The following GALNTL6 variants were observed in gnomAD, a reference collection of about 807,000 sequenced individuals.
GALNTL6 encodes the protein polypeptide N-acetylgalactosaminyltransferase-like 6.
A neutral mutation model predicts 73.7 loss-of-function variants in GALNTL6; 46 were observed. The ratio of observed to expected loss-of-function variants is 0.62; its 90% confidence interval spans 0.49 to 0.80. The LOEUF is 0.80. Ranked by LOEUF, GALNTL6 falls within the 30% of genes least tolerant of loss-of-function variation. The pLI is 0.00. For missense variants in GALNTL6, 604 were observed against 755.0 expected, an observed-to-expected ratio of 0.80 and a Z score of 2.34; for synonymous variants, 259 against 263.7, an observed-to-expected ratio of 0.98 and a Z score of 0.17.
intron 2 of GALNTL6, among the ~76,000 whole-genome samples, chr4:172,127,611 T>A (rs1004285598): frequency 3.2e-4 from 48 of 152,376 alleles, no homozygotes; most frequent in African/African-American, 1.1e-3. Flanking sequence ...TAGCTTATGA[T>A]TATCAGGTGA....
At chr4:172,346,988 C>CTTTTTTTTTTTTTTTTTT (rs34332250) in intron 4 of GALNTL6, among the ~76,000 whole-genome samples, 5 of 114,408 alleles carry the variant, frequency 4.4e-5, no homozygotes, top group Non-Finnish European at 5.2e-5. Context: ...TGTTTTCTTT[C>CTTTTTTTTTTTTTTTTTT]TTTTTTTTTT....
intron 2 of GALNTL6, among the ~76,000 whole-genome samples, chr4:171,885,783 T>G (rs1395808460): frequency 2.0e-5 from 3 of 152,076 alleles, no homozygotes; most frequent in Non-Finnish European, 4.4e-5. Flanking sequence ...CCAGCCTGAG[T>G]CACAGTATGA....
chr4:172,921,750 G>A (rs903405495), intron 8 of GALNTL6, among the ~76,000 whole-genome samples: 1 of 146,776 alleles, frequency 6.8e-6, no homozygotes, highest in Non-Finnish European at 1.5e-5. Context: ...AGCCATGATC[G>A]CTCACTGCAC....
rs146229030 is a variant in GALNTL6, at chr4:172,882,031, A to T, written c.924-759A>T. On this transcript the variant is annotated intron_variant, in intron 7 of 12. Coordinates refer to ENST00000506823, the MANE Select transcript of GALNTL6 (RefSeq NM_001034845.3). ...GCACATAGTGAGCAGTCCAAAAAAA[A>T]AAAAATAAACAAGAGCACCTTTGAA... Among the ~76,000 whole-genome samples, 438 of 152,262 alleles carry T rather than the reference A, an allele frequency of 2.9e-3. 3 individuals are homozygous for T. The highest frequency in any genetic ancestry group is 0.01 in the Middle Eastern group (3 of 294).
At chr4:172,308,420 G>T (rs919041352) in intron 3 of GALNTL6, among the ~76,000 whole-genome samples, 1 of 151,904 alleles carries the variant, frequency 6.6e-6, no homozygotes, top group Admixed American at 6.6e-5. Flanking sequence ...TCAGGCAAAT[G>T]CTGTGAACTC....
chr4:172,887,689 A>G (rs1745801887), intron 8 of GALNTL6, among the ~76,000 whole-genome samples: 1 of 151,874 alleles, frequency 6.6e-6, no homozygotes, highest in Non-Finnish European at 1.5e-5. Flanking sequence ...TCAGCCTCCC[A>G]TGTAGCTGGG....
intron 7 of GALNTL6, among the ~76,000 whole-genome samples, chr4:172,827,535 G>C (rs572763269): frequency 5.9e-5 from 9 of 152,156 alleles, no homozygotes; most frequent in Non-Finnish European, 1.2e-4. Context: ...AGCTGATCTG[G>C]AGTCTTTGTC....
chr4:171,960,355 C>A (rs914610022), intron 2 of GALNTL6, among the ~76,000 whole-genome samples: 6 of 152,084 alleles, frequency 3.9e-5, no homozygotes, highest in Non-Finnish European at 7.4e-5. Context: ...CGGCTCACTG[C>A]AACCTCTGCC....
chr4:171,893,058 G>A (rs1023594129), intron 2 of GALNTL6, among the ~76,000 whole-genome samples: 1 of 152,114 alleles, frequency 6.6e-6, no homozygotes, highest in Non-Finnish European at 1.5e-5. Flanking sequence ...GAATAAATGA[G>A]GTAGGAATTA....
chr4:172,016,012 A>G (rs1357906726), intron 2 of GALNTL6, among the ~76,000 whole-genome samples: 1 of 108,708 alleles, frequency 9.2e-6, no homozygotes, highest in African/African-American at 3.6e-5. Context: ...CTTTGTCTGG[A>G]CTTTTGATAA....
At chr4:172,914,429 C>T (rs1002055740) in intron 8 of GALNTL6, among the ~76,000 whole-genome samples, 1 of 152,144 alleles carries the variant, frequency 6.6e-6, no homozygotes, top group Non-Finnish European at 1.5e-5. Flanking sequence ...GGGCTACATG[C>T]CCCAATTAAA....
chr4:173,027,903 A>G (rs1308748401), intron 12 of GALNTL6, among the ~76,000 whole-genome samples: 1 of 152,232 alleles, frequency 6.6e-6, no homozygotes, highest in Non-Finnish European at 1.5e-5. Context: ...AAAATAGAAA[A>G]TGAAGTTTAA....
chr4:173,021,006 G>A (rs766914408), intron 11 of GALNTL6, among the ~76,000 whole-genome samples: 1 of 152,176 alleles, frequency 6.6e-6, no homozygotes, highest in Non-Finnish European at 1.5e-5. Context: ...CTGGGAGGTG[G>A]AGGATGCAGT....
At chr4:172,925,384 G>A (rs745740754) in intron 8 of GALNTL6, among the ~76,000 whole-genome samples, 4 of 152,158 alleles carry the variant, frequency 2.6e-5, no homozygotes, top group Non-Finnish European at 2.9e-5. Context: ...TGAATTTTGA[G>A]TCCTTGGAAA....
At chr4:171,971,402 G>T (rs1051232494) in intron 2 of GALNTL6, among the ~76,000 whole-genome samples, 1 of 152,224 alleles carries the variant, frequency 6.6e-6, no homozygotes, top group South Asian at 2.1e-4. Context: ...CTGTTGTTTC[G>T]TTTTTTGAGG....
intron 5 of GALNTL6, among the ~76,000 whole-genome samples, chr4:172,438,485 A>G (rs950448722): frequency 6.6e-5 from 10 of 151,904 alleles, no homozygotes; most frequent in Non-Finnish European, 2.9e-5. Context: ...CCCCACTCCC[A>G]TATTTCCTTG....
At chr4:171,832,062 A>G (rs1396731024) in intron 2 of GALNTL6, among the ~76,000 whole-genome samples, 2 of 151,282 alleles carry the variant, frequency 1.3e-5, no homozygotes, top group Non-Finnish European at 3.0e-5. Flanking sequence ...ATAATTGATA[A>G]ATTTATTATA....
intron 5 of GALNTL6, among the ~76,000 whole-genome samples, chr4:172,645,126 A>C (rs528487591): frequency 2.8e-4 from 42 of 152,136 alleles, no homozygotes; most frequent in African/African-American, 9.4e-4. Context: ...GTCTATTACA[A>C]ATATTTTCTC....
At chr4:172,615,739 T>C (rs957915289) in intron 5 of GALNTL6, among the ~76,000 whole-genome samples, 17 of 152,294 alleles carry the variant, frequency 1.1e-4, no homozygotes, top group African/African-American at 4.1e-4. Context: ...ACAACTCAGT[T>C]TAATTTATAA....
Sources: gnomAD v4.1 joint callset for allele counts (sites outside exome capture counted in the v4.1 genomes callset) on GRCh38, gnomAD v4.1.1 for gene constraint, MANE v1.5 for transcripts, NCBI Gene and HGNC (gene_info 2026-07-23, HGNC 2026-07-21) for gene names.